CPNE8: variants seen among roughly 807,000 people sequenced by gnomAD.
CPNE8 encodes copine-8.
A neutral mutation model predicts 81.5 loss-of-function variants in CPNE8; 45 were observed. The ratio of observed to expected loss-of-function variants is 0.55; its 90% CI spans 0.44 to 0.71. The LOEUF is 0.71. Ranked by LOEUF, CPNE8 falls within the 30% of genes least tolerant of loss-of-function variation. CPNE8 has a pLI of 0.00. For missense variants in CPNE8, 594 were observed against 672.1 expected (o/e 0.88, Z 1.28); for synonymous variants, 252 against 226.3 (o/e 1.11, Z -1.02).
intron 6 of CPNE8, among the ~76,000 whole-genome samples, chr12:38,799,013 T>C (rs1031763368): frequency 6.6e-6 from 1 of 152,242 alleles, no homozygotes; most frequent in Non-Finnish European, 1.5e-5. Flanking sequence ...CCTAAATATA[T>C]ATTCACCCAA....
intron 16 of CPNE8, among the ~76,000 whole-genome samples, chr12:38,683,254 C>T (rs1939450841): frequency 6.6e-6 from 1 of 152,030 alleles, no homozygotes; most frequent in Admixed American, 6.6e-5. Flanking sequence ...CTTTTACCCA[C>T]ATAGAAAATA....
chr12:38,655,128 T>G (rs954981234), intron 19 of CPNE8, among the ~76,000 whole-genome samples: 12 of 152,168 alleles, frequency 7.9e-5, no homozygotes, highest in African/African-American at 2.9e-4. Context: ...CAAAAAGTAA[T>G]TGCAGTTTTT....
chr12:38,863,455 T>A (rs1252461142), intron 3 of CPNE8, among the ~76,000 whole-genome samples: 1 of 152,206 alleles, frequency 6.6e-6, no homozygotes, highest in Non-Finnish European at 1.5e-5. Context: ...GGAAATGCTT[T>A]CAAACAGAAG....
intron 13 of CPNE8, among the ~76,000 whole-genome samples, chr12:38,722,327 TAGTC>T (rs1219820719): frequency 6.6e-6 from 1 of 152,226 alleles, no homozygotes; most frequent in African/African-American, 2.4e-5. Context: ...TGTTGCTTCT[TAGTC>T]TGTGCAGCCA....
At chr12:38,657,072 G>C (rs1317536630) in intron 19 of CPNE8, among the ~76,000 whole-genome samples, 1 of 152,190 alleles carries the variant, frequency 6.6e-6, no homozygotes, top group Non-Finnish European at 1.5e-5. Context: ...GCAGTGCGGG[G>C]TGTCACTTCA....
chr12:38,860,232 C>CA (rs368210026), intron 3 of CPNE8, among the ~76,000 whole-genome samples: 4,147 of 143,040 alleles, frequency 0.029, 116 homozygotes, highest in South Asian at 0.14. Flanking sequence ...TAAAAATAGG[C>CA]AAAAAAAAAA....
At chr12:38,710,061 A>G (rs962739299) in intron 13 of CPNE8, among the ~76,000 whole-genome samples, 2 of 152,014 alleles carry the variant, frequency 1.3e-5, no homozygotes, top group Non-Finnish European at 2.9e-5. Flanking sequence ...TTACAAATCA[A>G]TAAAACTTTC....
chr12:38,783,492 G>T (rs1198878365), intron 6 of CPNE8, among the ~76,000 whole-genome samples: 1 of 152,152 alleles, frequency 6.6e-6, no homozygotes, highest in Non-Finnish European at 1.5e-5. Flanking sequence ...CAATGGTGAG[G>T]TATTGAACTC....
intron 17 of CPNE8, among the ~76,000 whole-genome samples, chr12:38,676,574 G>T (rs1054642790): frequency 2.3e-4 from 32 of 140,712 alleles, no homozygotes; most frequent in African/African-American, 8.4e-4. Flanking sequence ...GAATACAAAT[G>T]ATCATTACAG....
At chr12:38,768,847 G>A (rs1941743980) in intron 7 of CPNE8, among the ~76,000 whole-genome samples, 1 of 152,092 alleles carries the variant, frequency 6.6e-6, no homozygotes, top group Non-Finnish European at 1.5e-5. Flanking sequence ...TAAAATGTTG[G>A]AAAGAGGTGA....
At chr12:38,807,069 G>C (rs1219681678) in intron 6 of CPNE8, among the ~76,000 whole-genome samples, 1 of 152,032 alleles carries the variant, frequency 6.6e-6, no homozygotes, top group Non-Finnish European at 1.5e-5. Context: ...TCTTCCAGGA[G>C]AACTACAAAC....
rs139938615 is a variant in CPNE8 at position 38,757,390 on chromosome 12, C to G, written c.722+3457G>C. 4.7e-3 allele frequency among the ~76,000 whole-genome samples: 714 copies of G among 151,946 alleles called. 5 individuals carry two copies. The highest frequency in any genetic ancestry group is 0.016 in the African/African-American group (663 of 41,508). On this transcript the variant is annotated intron_variant, in intron 10 of 19. Coordinates refer to ENST00000331366, the MANE Select transcript of CPNE8 (RefSeq NM_153634.3). The stretch of plus-strand genomic sequence containing the variant: ...AACATGTAAAAAGTGTAATAACCAT[C>G]TTATTAGACCACACATAATCATAAG...
intron 6 of CPNE8, among the ~76,000 whole-genome samples, chr12:38,796,983 A>G (rs559063904): frequency 3.3e-5 from 5 of 152,278 alleles, no homozygotes; most frequent in African/African-American, 9.6e-5. Context: ...AGGCGGCAGC[A>G]AGGCTGGGGG....
intron 6 of CPNE8, 121 bp from the exon 7 acceptor site, chr12:38,776,422 T>A (rs941373477): frequency 2.2e-5 from 6 of 271,556 alleles, no homozygotes; most frequent in Non-Finnish European, 4.0e-5. Context: ...AATAACATGG[T>A]TCTTCCCTAA....
At position 38,882,426 on chromosome 12, in the gene CPNE8, C is replaced by G. The variant is rs371084371; in HGVS notation, c.99-7915G>C. Among the ~76,000 whole-genome samples the G allele has an allele frequency of 7.2e-5, 11 of 152,186 alleles. No homozygotes were observed. The East Asian group carries it at 1.5e-3, about 21-fold the overall frequency. On this transcript the variant is annotated intron_variant, in intron 1 of 19. Coordinates refer to ENST00000331366, the MANE Select transcript of CPNE8 (RefSeq NM_153634.3). Reference sequence around the variant, plus strand: ...CCCTGCCAACACCTTGATTTCAGCCCGGCAATACTGATTTAGGACTTTTGG... The same window carrying G: ...CCCTGCCAACACCTTGATTTCAGCCGGGCAATACTGATTTAGGACTTTTGG...
chr12:38,775,659 A>C (rs576393650), intron 7 of CPNE8, among the ~76,000 whole-genome samples: 1 of 152,326 alleles, frequency 6.6e-6, no homozygotes, highest in South Asian at 2.1e-4. Flanking sequence ...CAATGGGTGC[A>C]TCAGCAAATC....
At chr12:38,685,775 A>C (rs776970840) in intron 15 of CPNE8, 158 bp from the exon 16 acceptor site, 37 of 575,234 alleles carry the variant, frequency 6.4e-5, no homozygotes, top group Middle Eastern at 4.6e-4. Context: ...TAATACATTA[A>C]GTAAGTGATC....
At chr12:38,772,880 C>CA (rs1941832810) in intron 7 of CPNE8, among the ~76,000 whole-genome samples, 1 of 151,656 alleles carries the variant, frequency 6.6e-6, no homozygotes, top group African/African-American at 2.4e-5. Flanking sequence ...AAGTGTCCAT[C>CA]AACAGATGAA....
intron 6 of CPNE8, among the ~76,000 whole-genome samples, chr12:38,828,606 G>A (rs912287901): frequency 1.3e-5 from 2 of 152,068 alleles, no homozygotes; most frequent in Non-Finnish European, 2.9e-5. Context: ...TTTATTTTTT[G>A]AGTTTGAGAT....
Sources: gnomAD v4.1 joint callset for allele counts (sites outside exome capture counted in the v4.1 genomes callset) on GRCh38, gnomAD v4.1.1 for gene constraint, MANE v1.5 for transcripts, NCBI Gene and HGNC (gene_info 2026-07-23, HGNC 2026-07-21) for gene names.